GALK1: variants seen among roughly 807,000 people sequenced by gnomAD.
GALK1 encodes galactokinase 1, also known as galactokinase.
A neutral mutation model predicts 38.6 loss-of-function variants in GALK1; 30 were observed. The ratio of observed to expected loss-of-function variants is 0.78; its 90% CI spans 0.58 to 1.05. GALK1 has a LOEUF of 1.05. Among genes scored for constraint, GALK1 ranks in the 50% least tolerant of loss-of-function variants. The pLI is 0.00. For missense variants in GALK1, 512 were observed against 540.5 expected (o/e 0.95, Z 0.52); for synonymous variants, 240 against 233.6 (o/e 1.03, Z -0.25).
At chr17:75,755,224 G>C (rs2061469264), downstream of GALK1, 1 of 1,597,838 alleles carries the variant, frequency 6.3e-7, no homozygotes, top group Non-Finnish European at 8.6e-7. Flanking sequence ...GTAGTACAGG[G>C]GTGGCCATCC....
At chr17:75,763,180 G>A (rs2143603197) in intron 3 of GALK1, 31 bp from the exon 4 acceptor site, 1 of 1,610,420 alleles carries the variant, frequency 6.2e-7, no homozygotes, top group Non-Finnish European at 8.5e-7. Context: ...GGGAGGCTAG[G>A]GCTGGTGGAA....
chr17:75,751,607 G>A, exon 9 of GALK1: 1 of 230,646 alleles, frequency 4.3e-6, no homozygotes, highest in South Asian at 5.8e-5. Context: ...CAGGCATGGT[G>A]GCTCATGCCT....
In GALK1 at chr17:75,765,081, G is replaced by C. The variant is rs761374448; in HGVS notation, c.56C>G (p.Ala19Gly). The change falls in exon 1 of 8, where the codon GCC (alanine) becomes GGC (glycine). Residue 19 changes from alanine (A) to glycine (G), a missense_variant. Transcript: ENST00000588479. ...CTCGGCCCCGAACTCCTCCCGGAAG[G>C]CTCGCCGGGCCTCGGCCAGCAGCTC... ...VAELLAEARR[A>G]FREEFGAEPE... The C allele has an allele frequency of 6.3e-7, 1 of 1,596,008 alleles. No homozygotes were observed. The highest frequency in any genetic ancestry group is 1.7e-5 in the Admixed American group (1 of 57,398).
chr17:75,753,778 G>A (rs1176789148), downstream of GALK1: 4 of 1,451,762 alleles, frequency 2.8e-6, 1 homozygote, highest in Admixed American at 8.9e-5. Flanking sequence ...GCGGCTGGAA[G>A]TTCGAGCCCC....
chr17:75,755,927 A>C, downstream of GALK1: 3 of 1,525,362 alleles, frequency 2.0e-6, no homozygotes, highest in Non-Finnish European at 2.6e-6. Context: ...AGGGTACCTC[A>C]GCTGTGTCAG....
chr17:75,756,287 A>C (rs559353223), downstream of GALK1: 6 of 821,290 alleles, frequency 7.3e-6, no homozygotes, highest in South Asian at 7.8e-5. Context: ...GCCATACCAT[A>C]CTGTACCCAA....
chr17:75,755,111 G>A (rs1382330247), downstream of GALK1: 2 of 1,607,576 alleles, frequency 1.2e-6, no homozygotes, highest in Non-Finnish European at 1.7e-6. Context: ...CTGGGCCCTG[G>A]GGTCCCGGAG....
chr17:75,757,109 T>C (rs780675808), downstream of GALK1: 11 of 1,611,898 alleles, frequency 6.8e-6, no homozygotes, highest in South Asian at 4.4e-5. Flanking sequence ...AGGATGGAGG[T>C]AGGCACCTGT....
At chr17:75,756,445 C>T (rs148827335), downstream of GALK1, 1 of 1,613,336 alleles carries the variant, frequency 6.2e-7, no homozygotes, top group Non-Finnish European at 8.5e-7. Context: ...TGCATCGGCT[C>T]AACATCCCCA....
chr17:75,757,259 T>C (rs946622269), downstream of GALK1: 3 of 1,611,180 alleles, frequency 1.9e-6, no homozygotes, highest in African/African-American at 2.7e-5. Context: ...GCAAAGCGAG[T>C]ACAGCAGCAT....
At position 75,758,585 on chromosome 17, in the gene GALK1, C is replaced by T. The variant is rs749590437; in HGVS notation, c.808G>A (p.Val270Met). Residue 270 changes from valine to methionine, a missense_variant, in exon 6 of 8, where the codon GTG becomes ATG. Physicochemically the swap from Val to Met is conservative, Grantham distance 21 (BLOSUM62 1). Transcript: ENST00000588479. The part of the protein sequence containing the change: ...LEELEAARDL[V>M]SKEGFRRARH... ...GCCCGCCGGAAGCCCTCTTTGCTCA[C>T]CAGGTCCCTGGCAGCTGGGGAGGAA... 3 of 1,595,688 alleles carry T rather than the reference C, an allele frequency of 1.9e-6. No individual in the cohort carries two copies. The highest frequency in any genetic ancestry group is 2.5e-6 in the Non-Finnish European group (3 of 1,177,680).
chr17:75,758,420 G>A (rs1226859334), intron 6 of GALK1, 29 bp downstream of exon 6: 9 of 1,575,306 alleles, frequency 5.7e-6, no homozygotes, highest in Non-Finnish European at 7.8e-6. Context: ...CCTGTGCCCG[G>A]CAGGAGCGGG....
chr17:75,752,427 T>A lies in GALK1; in HGVS notation c.*23-690A>T, dbSNP rs1434530468. ...AGGGGGCAGCAGCCAGGGCCCTGGC[T>A]CACTCCCCTGCCCTGCAGTCCCCAT... On this transcript the variant is annotated intron_variant, in intron 8 of 8. Coordinates refer to the GALK1 transcript ENST00000225614. The A allele has an allele frequency of 1.2e-6, 2 of 1,612,854 alleles. No homozygotes were observed. Among genetic ancestry groups the A allele is most frequent in the Non-Finnish European group, 1.7e-6 (2 of 1,179,864 alleles).
chr17:75,760,284 G>A (rs1396158147), intron 5 of GALK1, among the ~76,000 whole-genome samples: 1 of 151,820 alleles, frequency 6.6e-6, no homozygotes, highest in Non-Finnish European at 1.5e-5. Context: ...TTAGAGATGG[G>A]GTTTTGCCAT....
chr17:75,752,786 CAT>C lies in GALK1; in HGVS notation c.*23-1051_*23-1050del, dbSNP rs529747558. On this transcript the variant is annotated intron_variant, in intron 8 of 8. Coordinates refer to the GALK1 transcript ENST00000225614. ...ACACACACAGCCTTGTGCAAGCGCA[CAT>C]GAGTTCATGCCCACGGGACCACGAA... 3.3e-5 allele frequency among the ~76,000 whole-genome samples: 5 copies of C among 152,298 alleles called. No homozygotes were observed. The South Asian group carries it at 1.0e-3, about 32-fold the overall frequency.
rs747793390 is a variant in GALK1 at position 75,758,080 on chromosome 17, A to G, written c.1155T>C (p.Asp385=). Residue 385 remains aspartate, a synonymous_variant, in exon 8 of 8, where the codon GAT becomes GAC. Coordinates refer to ENST00000588479, the MANE Select transcript of GALK1 (RefSeq NM_000154.2). The stretch of plus-strand genomic sequence containing the variant: ...CTCACAAGCACAGCACCTTGGCTCC[A>G]TCGGCTGCTTGAGAGAGGTAGAAGG... The part of the protein sequence containing the change: ...TATFYLSQAA[D]GAKVLCL The G allele has an allele frequency of 1.8e-5, 29 of 1,612,568 alleles. No individual in the cohort carries two copies. The highest frequency in any genetic ancestry group is 2.3e-5 in the Non-Finnish European group (27 of 1,179,942).
At chr17:75,755,118 G>T (rs144558385), downstream of GALK1, 2 of 1,608,968 alleles carry the variant, frequency 1.2e-6, no homozygotes, top group Non-Finnish European at 1.7e-6. Context: ...CTGGGGTCCC[G>T]GAGTCGGGCT....
At chr17:75,755,296 C>A, downstream of GALK1, 1 of 1,408,536 alleles carries the variant, frequency 7.1e-7, no homozygotes, top group Non-Finnish European at 9.7e-7. Context: ...CCAGCTGTGC[C>A]CACTGCTTCC....
At chr17:75,757,825 G>A, downstream of GALK1, 1 of 664,230 alleles carries the variant, frequency 1.5e-6, no homozygotes, top group Non-Finnish European at 2.6e-6. Flanking sequence ...GCTAGGCCCT[G>A]CCTTGCCCAT....
Sources: allele counts gnomAD v4.1 joint callset (sites outside exome capture counted in the v4.1 genomes callset), GRCh38; gene constraint gnomAD v4.1.1; transcripts MANE v1.5; gene names NCBI Gene and HGNC (gene_info 2026-07-23, HGNC 2026-07-21).